The following KDM3B variants were observed in gnomAD, a reference collection of about 807,000 sequenced individuals.
KDM3B encodes the protein lysine demethylase 3B.
A neutral mutation model predicts 170.0 loss-of-function variants in KDM3B; 10 were observed. That is an observed-to-expected ratio of 0.06 (90% CI 0.04 to 0.10). The LOEUF is 0.10. Ranked by LOEUF, KDM3B falls within the 10% of genes least tolerant of loss-of-function variation. The pLI is 1.00. For synonymous variants in KDM3B, 831 were observed against 834.8 expected, an observed-to-expected ratio of 1.00 and a Z score of 0.08; for missense variants, 1,394 against 2,195.2, an observed-to-expected ratio of 0.64 and a Z score of 7.29.
In KDM3B at chr5:138,435,777, T is replaced by C. The variant is rs1763658608; in HGVS notation, c.*77T>C. Reference sequence around the variant, plus strand: ...CTTAACAGGGAACGGCAGGGCTCTTTGCTGGAGCAGAGGCCCTTCACCCAG... The same window carrying C: ...CTTAACAGGGAACGGCAGGGCTCTTCGCTGGAGCAGAGGCCCTTCACCCAG... On this transcript the variant is annotated 3_prime_UTR_variant, in exon 24 of 24. Transcript: ENST00000314358. 8.5e-7 allele frequency: 1 copy of C among 1,180,980 alleles called. No individual in the cohort carries two copies. The highest frequency in any genetic ancestry group is 1.2e-6 in the Non-Finnish European group (1 of 810,772). The allele number at this position is 1,180,980 out of a possible 1,614,324, so 73.2% of individuals were successfully genotyped here.
At chr5:138,384,727 G>A (rs1179631499) in intron 6 of KDM3B, among the ~76,000 whole-genome samples, 6 of 132,614 alleles carry the variant, frequency 4.5e-5, no homozygotes, top group South Asian at 4.9e-4. Context: ...CGACAAGAGC[G>A]AAACTCTTGT....
intron 13 of KDM3B, 55 bp from the exon 14 acceptor site, chr5:138,418,898 T>C: frequency 6.5e-7 from 1 of 1,549,118 alleles, no homozygotes. Context: ...TTACTAGTTG[T>C]ATTTTTTTCT....
chr5:138,370,507 G>C (rs1212714950), intron 1 of KDM3B, among the ~76,000 whole-genome samples: 3 of 152,020 alleles, frequency 2.0e-5, no homozygotes, highest in African/African-American at 7.2e-5. Context: ...CAAAAAAAAA[G>C]CCATTGTGAA....
chr5:138,399,556 A>AT (rs1481795814), intron 10 of KDM3B, among the ~76,000 whole-genome samples: 3 of 151,778 alleles, frequency 2.0e-5, no homozygotes, highest in South Asian at 2.1e-4. Context: ...ATATATATAT[A>AT]TTTTTTTACA....
chr5:138,397,863 A>G (rs1762585964), intron 9 of KDM3B: 2 of 179,724 alleles, frequency 1.1e-5, no homozygotes, highest in African/African-American at 4.7e-5. Flanking sequence ...TCTGTCTTAA[A>G]AAAAAAAAAA....
chr5:138,424,088 A>G lies in KDM3B; in HGVS notation c.3986A>G (p.Lys1329Arg). The G allele has an allele frequency of 6.4e-7, 1 of 1,566,150 alleles. No homozygotes were observed. Among genetic ancestry groups the G allele is most frequent in the Non-Finnish European group, 8.7e-7 (1 of 1,152,186 alleles). Residue 1329 changes from lysine to arginine, a missense_variant, in exon 16 of 24, where the codon AAG becomes AGG. By Grantham distance (26) the Lys-to-Arg change is conservative (BLOSUM62 2). This residue lies in a region of KDM3B where 137 missense variants were observed against 166.9 expected (regional missense o/e 0.82). Coordinates refer to ENST00000314358, the MANE Select transcript of KDM3B (RefSeq NM_016604.4). ...TGTGTCTGGCAGGGAGTGAAGAGCA[A>G]GGCCAGCCTACCCAACTTTCTTGAC... The part of the protein sequence containing the change: ...FSTSSAGVKS[K>R]ASLPNFLDHI...
At chr5:138,388,207 A>G (rs1460198264) in intron 7 of KDM3B, among the ~76,000 whole-genome samples, 1 of 152,252 alleles carries the variant, frequency 6.6e-6, no homozygotes, top group Non-Finnish European at 1.5e-5. Flanking sequence ...CTCTTAGAGT[A>G]GCAAAGCTGA....
Position 138,427,033 on chromosome 5 carries a change from T to G in KDM3B, c.4470T>G (p.Pro1490=), listed in dbSNP as rs1763416234. The G allele has an allele frequency of 6.2e-7, 1 of 1,614,084 alleles. No individual in the cohort carries two copies. The highest frequency in any genetic ancestry group is 1.3e-5 in the African/African-American group (1 of 74,932). Residue 1490 remains proline (P), a synonymous_variant, in exon 18 of 24, where the codon CCT becomes CCG. Transcript: ENST00000314358. ...TGCTCAAACTCAAGGACTGGCCTCCTGGGGAAGATTTTCGAGACATGATGC... is the reference window on the plus strand; with the variant it reads ...TGCTCAAACTCAAGGACTGGCCTCCGGGGGAAGATTTTCGAGACATGATGC... ...PMVLKLKDWP[P]GEDFRDMMPT...
At chr5:138,393,762 G>A (rs1326687491) in intron 9 of KDM3B, among the ~76,000 whole-genome samples, 1 of 152,170 alleles carries the variant, frequency 6.6e-6, no homozygotes, top group African/African-American at 2.4e-5. Context: ...AGACGGGGAG[G>A]TAAGATTTGG....
At chr5:138,358,306 C>CTT (rs71306181) in intron 1 of KDM3B, among the ~76,000 whole-genome samples, 13 of 108,268 alleles carry the variant, frequency 1.2e-4, no homozygotes, top group African/African-American at 4.0e-4. Context: ...TTCTTTCTTT[C>CTT]TTTTTTTTTT....
At chr5:138,425,294 A>C in intron 16 of KDM3B, 117 bp from the exon 17 acceptor site, 7 of 844,652 alleles carry the variant, frequency 8.3e-6, no homozygotes, top group Non-Finnish European at 1.3e-5. Flanking sequence ...AGGAAAGAAC[A>C]GTAGAGCTTC....
intron 9 of KDM3B, 122 bp from the exon 10 acceptor site, chr5:138,398,056 T>C (rs1017495171): frequency 2.3e-5 from 16 of 708,752 alleles, no homozygotes; most frequent in Non-Finnish European, 3.9e-5. Context: ...TTTGGTCGAC[T>C]GGTGAAAATT....
At chr5:138,424,046 A>C in intron 15 of KDM3B, 29 bp from the exon 16 acceptor site, 1 of 1,518,254 alleles carries the variant, frequency 6.6e-7, no homozygotes, top group Non-Finnish European at 8.8e-7. Context: ...GCCTCAGTCA[A>C]GCTTACCTGG....
chr5:138,393,059 G>A, intron 8 of KDM3B, 112 bp from the exon 9 acceptor site: 2 of 915,018 alleles, frequency 2.2e-6, no homozygotes, highest in Non-Finnish European at 3.5e-6. Flanking sequence ...TGCCCAAGCA[G>A]GGAAAGGAGT....
intron 11 of KDM3B, among the ~76,000 whole-genome samples, chr5:138,412,911 A>G (rs1763010180): frequency 6.6e-6 from 1 of 152,212 alleles, no homozygotes; most frequent in Non-Finnish European, 1.5e-5. Context: ...CCAAAGTGCT[A>G]CAGGTGTGAG....
At position 138,362,585 on chromosome 5, in the gene KDM3B, C is replaced by CAA. The variant is rs869039471; in HGVS notation, c.192+9601_192+9602dup. ...ACACACACACACACACACACACACA[C>CAA]AAAATATCTTAAGTGAATAGTGTAC... On this transcript the variant is annotated intron_variant, in intron 1 of 23. Transcript: ENST00000314358. Among the ~76,000 whole-genome samples the CAA allele has an allele frequency of 5.1e-4, 34 of 67,128 alleles. No individual in the cohort carries two copies. The Middle Eastern group carries it at 0.029, about 58-fold the overall frequency. The allele number at this position is 67,128 out of a possible 152,430, so 44.0% of individuals were successfully genotyped here.
At chr5:138,370,180 C>G (rs1761839332) in intron 1 of KDM3B, among the ~76,000 whole-genome samples, 1 of 152,136 alleles carries the variant, frequency 6.6e-6, no homozygotes, top group Non-Finnish European at 1.5e-5. Flanking sequence ...AGTGTTCTGT[C>G]CTTTTTCTTA....
rs1763409985 is a variant in KDM3B, at chr5:138,426,872, A to AG, written c.4412-103_4412-102insG. The AG allele has an allele frequency of 6.3e-6, 5 of 791,164 alleles. No individual in the cohort carries two copies. The East Asian group carries it at 1.4e-4, about 22-fold the overall frequency. The allele number at this position is 791,164 out of a possible 1,614,324, so 49.0% of individuals were successfully genotyped here. On this transcript the variant is annotated intron_variant, in intron 17 of 23. Coordinates refer to ENST00000314358, the MANE Select transcript of KDM3B (RefSeq NM_016604.4). ...AGCAAGACTCTGTCTCAAAAAAAAA[A>AG]AAAAAAAAGAAAAAAAAGAGATTAG... is the stretch of plus-strand genomic sequence containing the variant.
At chr5:138,402,018 G>A (rs1328462721) in intron 11 of KDM3B, among the ~76,000 whole-genome samples, 1 of 151,212 alleles carries the variant, frequency 6.6e-6, no homozygotes, top group African/African-American at 2.4e-5. Flanking sequence ...AGCCTCAACC[G>A]CCTGGGCCCA....
Sources: allele counts gnomAD v4.1 joint callset (sites outside exome capture counted in the v4.1 genomes callset), GRCh38; gene constraint gnomAD v4.1.1; regional missense constraint gnomAD v4.1.1; transcripts MANE v1.5; gene names NCBI Gene and HGNC (gene_info 2026-07-23, HGNC 2026-07-21).